Variants in PLCB1 observed in about 807,000 individuals in gnomAD.
PLCB1 encodes phospholipase C beta 1.
A neutral mutation model predicts 161.8 loss-of-function variants in PLCB1; 46 were observed. The observed-to-expected ratio is 0.28, with a 90% confidence interval of 0.22 to 0.36. The LOEUF is 0.36. Ranked by LOEUF, PLCB1 falls within the 10% of genes least tolerant of loss-of-function variation. PLCB1 has a pLI of 1.00. For synonymous variants in PLCB1, 517 were observed against 503.7 expected (o/e 1.03, Z -0.35); for missense variants, 1,016 against 1,472.5 (o/e 0.69, Z 5.07).
chr20:8,445,655 G>T (rs1329626235), intron 3 of PLCB1, among the ~76,000 whole-genome samples: 1 of 152,082 alleles, frequency 6.6e-6, no homozygotes, highest in Non-Finnish European at 1.5e-5. Flanking sequence ...CCATTTTCAT[G>T]GTATTGATTC....
intron 31 of PLCB1, chr20:8,831,380 T>G (rs1473384381): frequency 6.5e-6 from 1 of 153,012 alleles, no homozygotes; most frequent in Admixed American, 6.5e-5. Flanking sequence ...AGAGAAACCA[T>G]GCAGGAAACA....
intron 3 of PLCB1, among the ~76,000 whole-genome samples, chr20:8,408,351 T>A (rs184190849): frequency 1.1e-3 from 173 of 151,848 alleles, no homozygotes; most frequent in African/African-American, 4.0e-3. Context: ...AGTTCAAGGC[T>A]GCAGTACATG....
intron 1 of PLCB1, among the ~76,000 whole-genome samples, chr20:8,144,995 T>A (rs1262075049): frequency 1.3e-5 from 2 of 152,138 alleles, no homozygotes; most frequent in Non-Finnish European, 2.9e-5. Flanking sequence ...GTGCCATGGG[T>A]CTGTGGACTG....
intron 2 of PLCB1, among the ~76,000 whole-genome samples, chr20:8,220,358 G>C (rs1297367902): frequency 6.6e-6 from 1 of 152,152 alleles, no homozygotes; most frequent in Middle Eastern, 3.2e-3. Flanking sequence ...TTCACTAGGG[G>C]TTTAGTTGGT....
chr20:8,494,081 G>A (rs1460294608), intron 3 of PLCB1, among the ~76,000 whole-genome samples: 2 of 149,384 alleles, frequency 1.3e-5, no homozygotes, highest in Non-Finnish European at 2.9e-5. Context: ...CTGCATGAGT[G>A]CTGTGTGCTT....
In PLCB1 at chr20:8,821,924, A is replaced by G. The variant is rs570202583; in HGVS notation, c.3423+31663A>G. On this transcript the variant is annotated intron_variant, in intron 31 of 31. Transcript: ENST00000338037. ...CTTCTCCTGTTTCTGCTGCTAGGCCACAATTCCTCCAGATATCTCCACACT... is the reference window on the plus strand; with the variant it reads ...CTTCTCCTGTTTCTGCTGCTAGGCCGCAATTCCTCCAGATATCTCCACACT... 2.6e-5 allele frequency among the ~76,000 whole-genome samples: 4 copies of G among 152,142 alleles called. No homozygotes were observed. In the East Asian group the frequency reaches 7.7e-4, roughly 29 times the overall value.
intron 12 of PLCB1, 76 bp from the exon 13 acceptor site, chr20:8,716,188 T>A: frequency 9.4e-7 from 1 of 1,063,884 alleles, no homozygotes; most frequent in Non-Finnish European, 1.5e-6. Context: ...CTGTAGTTAA[T>A]AACACAAAGC....
At chr20:8,439,350 TA>T (rs1269421329) in intron 3 of PLCB1, among the ~76,000 whole-genome samples, 2 of 152,160 alleles carry the variant, frequency 1.3e-5, no homozygotes, top group African/African-American at 2.4e-5. Context: ...AAACAATACC[TA>T]AAAAAGAAAC....
At chr20:8,460,239 A>C (rs538729240) in intron 3 of PLCB1, among the ~76,000 whole-genome samples, 2 of 152,166 alleles carry the variant, frequency 1.3e-5, no homozygotes, top group Admixed American at 6.6e-5. Context: ...GACATCATCC[A>C]GTATCACTCT....
rs949316720 is a variant in PLCB1, at chr20:8,187,870, G to A, written c.177+37499G>A. Among the ~76,000 whole-genome samples, 6 of 152,070 alleles carry A rather than the reference G, an allele frequency of 3.9e-5. No individual in the cohort carries two copies. The South Asian group carries it at 8.3e-4, about 21-fold the overall frequency. On this transcript the variant is annotated intron_variant, in intron 2 of 31. Transcript: ENST00000338037. ...GTGGTGGTGGTGGTGGTGGTGTTATGTGTGACTGTGTACATATATGTATGT... is the reference window on the plus strand; with the variant it reads ...GTGGTGGTGGTGGTGGTGGTGTTATATGTGACTGTGTACATATATGTATGT...
At chr20:8,672,747 G>T (rs768664037) in intron 9 of PLCB1, among the ~76,000 whole-genome samples, 19 of 152,094 alleles carry the variant, frequency 1.2e-4, no homozygotes, top group Non-Finnish European at 2.5e-4. Flanking sequence ...ATTACGTGCT[G>T]AGGACTTGCT....
intron 3 of PLCB1, among the ~76,000 whole-genome samples, chr20:8,603,794 A>G (rs1987671582): frequency 6.6e-6 from 1 of 152,186 alleles, no homozygotes; most frequent in South Asian, 2.1e-4. Context: ...ACAGCTTTCA[A>G]TTTTATGATC....
rs1040384363 is a variant in PLCB1 at position 8,774,479 on chromosome 20, C to A, written c.2931-60C>A. The A allele has an allele frequency of 3.5e-6, 5 of 1,440,302 alleles. No homozygotes were observed. In the African/African-American group the frequency reaches 7.1e-5, roughly 20 times the overall value. The allele number at this position is 1,440,302 out of a possible 1,614,324, so 89.2% of individuals were successfully genotyped here. On this transcript the variant is annotated intron_variant, in intron 26 of 31. Coordinates refer to ENST00000338037, the MANE Select transcript of PLCB1 (RefSeq NM_015192.4). ...CTCTAGGAGGAATTCTGGTGAATAA[C>A]CTTCCCTCCACCTTGTTATGGCCTG...
intron 3 of PLCB1, among the ~76,000 whole-genome samples, chr20:8,375,612 T>C (rs1987047401): frequency 6.6e-6 from 1 of 152,184 alleles, no homozygotes; most frequent in Non-Finnish European, 1.5e-5. Flanking sequence ...AACAAGATCA[T>C]TTCTTCAGCC....
intron 3 of PLCB1, among the ~76,000 whole-genome samples, chr20:8,568,488 C>T (rs564118177): frequency 6.6e-4 from 100 of 152,280 alleles, no homozygotes; most frequent in Non-Finnish European, 1.1e-3. Flanking sequence ...AAACAAAGTT[C>T]TGAATCCACA....
chr20:8,444,168 C>T lies in PLCB1; in HGVS notation c.246+72718C>T, dbSNP rs374526177. ...ACTCGTCATTTACATTAGGTATATC[C>T]CCTAATGCTATCCCTCCCACCTCCC... On this transcript the variant is annotated intron_variant, in intron 3 of 31. Transcript: ENST00000338037. Among the ~76,000 whole-genome samples, 7 of 152,046 alleles carry T rather than the reference C, an allele frequency of 4.6e-5. No individual in the cohort carries two copies. The South Asian group carries it at 6.2e-4, about 14-fold the overall frequency.
intron 9 of PLCB1, among the ~76,000 whole-genome samples, chr20:8,675,142 C>G (rs1483249631): frequency 6.6e-6 from 1 of 152,068 alleles, no homozygotes; most frequent in Non-Finnish European, 1.5e-5. Flanking sequence ...GGGAGTTGGA[C>G]AAGTCACCAG....
chr20:8,801,988 A>G, intron 31 of PLCB1: 1 of 936,036 alleles, frequency 1.1e-6, no homozygotes, highest in South Asian at 1.3e-5. Flanking sequence ...AATAATTGGA[A>G]ACACCAGATG....
intron 3 of PLCB1, among the ~76,000 whole-genome samples, chr20:8,562,118 G>C (rs1332260872): frequency 6.6e-6 from 1 of 152,020 alleles, no homozygotes; most frequent in Non-Finnish European, 1.5e-5. Context: ...GTACGGAGGG[G>C]CTGCCTCAGT....
Sources: gnomAD v4.1 joint callset for allele counts (sites outside exome capture counted in the v4.1 genomes callset) on GRCh38, gnomAD v4.1.1 for gene constraint, MANE v1.5 for transcripts, NCBI Gene and HGNC (gene_info 2026-07-23, HGNC 2026-07-21) for gene names.